Variants in ELP3 observed in about 807,000 individuals in gnomAD.
ELP3 encodes elongator acetyltransferase complex subunit 3.
A neutral mutation model predicts 74.9 loss-of-function variants in ELP3; 56 were observed. The ratio of observed to expected loss-of-function variants is 0.75; its 90% CI spans 0.60 to 0.93. The LOEUF (loss-of-function observed/expected upper bound fraction) is 0.93, where lower values mean the gene tolerates loss of function less well. Among genes scored for constraint, ELP3 ranks in the 40% least tolerant of loss-of-function variants. The pLI is 0.00. For synonymous variants in ELP3, 222 were observed against 239.8 expected, an observed-to-expected ratio of 0.93 and a Z score of 0.68; for missense variants, 573 against 686.5, an observed-to-expected ratio of 0.83 and a Z score of 1.85.
At chr8:28,162,757 A>G (rs1814154971) in intron 14 of ELP3, among the ~76,000 whole-genome samples, 1 of 152,212 alleles carries the variant, frequency 6.6e-6, no homozygotes, top group Non-Finnish European at 1.5e-5. Context: ...TACGAGTGCA[A>G]AGTCATGAAA....
intron 7 of ELP3, among the ~76,000 whole-genome samples, chr8:28,121,945 G>T (rs1265303959): frequency 6.6e-6 from 1 of 152,192 alleles, no homozygotes; most frequent in African/African-American, 2.4e-5. Flanking sequence ...TTTTATTTCA[G>T]TATTAAGTCC....
At chr8:28,152,983 T>C (rs948948791) in intron 10 of ELP3, among the ~76,000 whole-genome samples, 14 of 152,224 alleles carry the variant, frequency 9.2e-5, no homozygotes, top group African/African-American at 3.4e-4. Context: ...GAAAAGACTA[T>C]TATTTTCTCA....
chr8:28,122,887 G>A (rs1030348128), intron 7 of ELP3, among the ~76,000 whole-genome samples: 4 of 152,216 alleles, frequency 2.6e-5, no homozygotes, highest in African/African-American at 9.6e-5. Context: ...CACTTTGGGA[G>A]GTGAGGTGGG....
intron 6 of ELP3, 37 bp from the exon 7 acceptor site, chr8:28,112,982 C>T (rs1332488587): frequency 6.3e-7 from 1 of 1,594,300 alleles, no homozygotes; most frequent in African/African-American, 1.3e-5. Context: ...GTTCCTTATG[C>T]TTATATCATT....
At chr8:28,189,077 C>T (rs1344531746) in intron 14 of ELP3, among the ~76,000 whole-genome samples, 2 of 152,268 alleles carry the variant, frequency 1.3e-5, no homozygotes, top group African/African-American at 2.4e-5. Context: ...AGCAAAGCTG[C>T]TTCTTTGACA....
At position 28,099,884 on chromosome 8, in the gene ELP3, A is replaced by G; in HGVS notation, c.176A>G (p.Asp59Gly). ...YGLSAQPRLV[D>G]IIAAVPPQYR... ...CTTTCTGCCCAGCCCCGCCTGGTGG[A>G]TATCATTGCTGCCGTCCCTCCTCAG... The change falls in exon 3 of 15, where the codon GAT becomes GGT. Residue 59 changes from aspartate to glycine, a missense_variant. Physicochemically the swap from Asp to Gly is moderately conservative, Grantham distance 94. Coordinates refer to ENST00000256398, the MANE Select transcript of ELP3 (RefSeq NM_018091.6). 1 of 1,614,184 alleles carries G rather than the reference A, an allele frequency of 6.2e-7. No homozygotes were observed. Among genetic ancestry groups the G allele is most frequent in the Non-Finnish European group, 8.5e-7 (1 of 1,180,032 alleles).
At chr8:28,186,979 A>C (rs182813205) in intron 14 of ELP3, among the ~76,000 whole-genome samples, 1 of 152,172 alleles carries the variant, frequency 6.6e-6, no homozygotes, top group Admixed American at 6.5e-5. Flanking sequence ...GCATCTTGGC[A>C]TGAATGTCTA....
chr8:28,105,057 G>C (rs1204716517), intron 3 of ELP3, among the ~76,000 whole-genome samples: 2 of 152,080 alleles, frequency 1.3e-5, no homozygotes, highest in African/African-American at 2.4e-5. Context: ...ATCATTCTTT[G>C]AGCAGTTTCT....
chr8:28,161,262 G>C (rs1213903723), intron 13 of ELP3, among the ~76,000 whole-genome samples: 1 of 152,168 alleles, frequency 6.6e-6, no homozygotes, highest in Non-Finnish European at 1.5e-5. Flanking sequence ...AATTTTGCCT[G>C]GTTTCTCAAC....
chr8:28,115,792 CAT>C (rs1812107112), intron 7 of ELP3, among the ~76,000 whole-genome samples: 1 of 152,162 alleles, frequency 6.6e-6, no homozygotes, highest in Non-Finnish European at 1.5e-5. Flanking sequence ...TGTATGTGCA[CAT>C]GTGTGTGCAC....
At chr8:28,135,834 C>A (rs1812966006) in intron 9 of ELP3, among the ~76,000 whole-genome samples, 1 of 152,122 alleles carries the variant, frequency 6.6e-6, no homozygotes, top group Non-Finnish European at 1.5e-5. Flanking sequence ...CTTGCAAAGT[C>A]ATTCACAAGC....
chr8:28,160,869 A>AT (rs2130551661), intron 13 of ELP3, among the ~76,000 whole-genome samples: 1 of 152,158 alleles, frequency 6.6e-6, no homozygotes, highest in Admixed American at 6.5e-5. Flanking sequence ...TAATTTTTGT[A>AT]TTTTTAGTAG....
At chr8:28,182,636 A>G (rs1815063302) in intron 14 of ELP3, among the ~76,000 whole-genome samples, 2 of 151,314 alleles carry the variant, frequency 1.3e-5, no homozygotes, top group African/African-American at 4.9e-5. Context: ...TGGTTAGTCT[A>G]AGGTTGTGTG....
intron 14 of ELP3, among the ~76,000 whole-genome samples, chr8:28,185,477 T>C (rs1815199919): frequency 6.6e-6 from 1 of 152,224 alleles, no homozygotes; most frequent in Non-Finnish European, 1.5e-5. Flanking sequence ...ATAGAAGCCA[T>C]TGACTTTAAA....
At chr8:28,153,698 C>T (rs1029262283) in intron 10 of ELP3, among the ~76,000 whole-genome samples, 4 of 152,264 alleles carry the variant, frequency 2.6e-5, no homozygotes, top group Admixed American at 6.5e-5. Context: ...TCTTACACAT[C>T]GTTGTCCTGG....
In ELP3 at chr8:28,114,572, CA is replaced by C. The variant is rs1163236353; in HGVS notation, c.617+1400del. On this transcript the variant is annotated intron_variant, in intron 7 of 14. Transcript: ENST00000256398. ...AACAACTGAGCGAGAACTCACTTAT[CA>C]CCAAGGAGATGGTGGTAAGCCATTT... Among the ~76,000 whole-genome samples, 84 of 152,278 alleles carry C rather than the reference CA, an allele frequency of 5.5e-4. No individual in the cohort carries two copies. The East Asian group carries it at 0.016, about 28-fold the overall frequency.
rs374242736 is a variant in ELP3, at chr8:28,137,769, C to T, written c.978C>T (p.Thr326=). The T allele has an allele frequency of 2.6e-5, 42 of 1,614,012 alleles. No homozygotes were observed. The African/African-American group carries it at 2.7e-4, about 10-fold the overall frequency. Residue 326 remains threonine, a synonymous_variant, in exon 10 of 15, where the codon ACC becomes ACT. Coordinates refer to ENST00000256398, the MANE Select transcript of ELP3 (RefSeq NM_018091.6). ...KLYPTLVIRG[T]GLYELWKSGR... Reference sequence around the variant, plus strand: ...ATCCTACCCTGGTGATTCGTGGGACCGGGCTTTATGAGCTTTGGAAATCAG... The same window carrying T: ...ATCCTACCCTGGTGATTCGTGGGACTGGGCTTTATGAGCTTTGGAAATCAG...
intron 1 of ELP3, among the ~76,000 whole-genome samples, chr8:28,096,345 T>G (rs1257342501): frequency 6.6e-6 from 1 of 152,240 alleles, no homozygotes; most frequent in Non-Finnish European, 1.5e-5. Context: ...AAAACCACCC[T>G]GCTCCCCTGG....
chr8:28,093,385 G>A (rs1811123209), intron 1 of ELP3, 152 bp downstream of exon 1: 1 of 1,051,140 alleles, frequency 9.5e-7, no homozygotes, highest in Non-Finnish European at 1.4e-6. Context: ...TCTGGTCCCC[G>A]AGCCTTCTCG....
Sources: allele counts gnomAD v4.1 joint callset (sites outside exome capture counted in the v4.1 genomes callset), GRCh38; gene constraint gnomAD v4.1.1; transcripts MANE v1.5; gene names NCBI Gene and HGNC (gene_info 2026-07-23, HGNC 2026-07-21).